CNTNAP2: variants seen among roughly 807,000 people sequenced by gnomAD.
CNTNAP2 encodes contactin associated protein 2.
Under a neutral mutation model 155.2 loss-of-function variants are expected in CNTNAP2, and 98 were observed. The ratio of observed to expected loss-of-function variants is 0.63; its 90% CI spans 0.54 to 0.75. The LOEUF is 0.75. Among genes scored for constraint, CNTNAP2 ranks in the 30% least tolerant of loss-of-function variants. The pLI, the probability that CNTNAP2 is intolerant of heterozygous loss-of-function variation, is 0.00. For synonymous variants in CNTNAP2, 651 were observed against 631.2 expected (o/e 1.03, Z -0.47); for missense variants, 1,727 against 1,688.1 (o/e 1.02, Z -0.40).
rs80138601 is a variant in CNTNAP2 at position 147,384,178 on chromosome 7, A to G, written c.1499-11431A>G. Reference sequence around the variant, plus strand: ...ATGGTGACCAAGGATAGACATCTTAAGTATTCACTCTGAAAACTAGCAAAG... The same window carrying G: ...ATGGTGACCAAGGATAGACATCTTAGGTATTCACTCTGAAAACTAGCAAAG... On this transcript the variant is annotated intron_variant, in intron 9 of 23. Transcript: ENST00000361727. 5.5e-3 allele frequency among the ~76,000 whole-genome samples: 842 copies of G among 152,328 alleles called. 11 individuals are homozygous for G. The highest frequency in any genetic ancestry group is 0.02 in the African/African-American group (813 of 41,570).
intron 1 of CNTNAP2, among the ~76,000 whole-genome samples, chr7:146,453,986 T>G (rs905382520): frequency 1.3e-5 from 2 of 151,928 alleles, no homozygotes; most frequent in Admixed American, 1.3e-4. Flanking sequence ...AATTTCCAAA[T>G]TCGATGAAAA....
intron 4 of CNTNAP2, among the ~76,000 whole-genome samples, chr7:147,095,186 A>ATTTTT (rs36113270): frequency 1.6e-4 from 18 of 114,518 alleles, no homozygotes; most frequent in Non-Finnish European, 2.5e-4. Context: ...CGCCTGGCTA[A>ATTTTT]TTTTTTTTTT....
At chr7:147,065,116 CA>C (rs1799753433) in intron 4 of CNTNAP2, among the ~76,000 whole-genome samples, 1 of 152,136 alleles carries the variant, frequency 6.6e-6, no homozygotes, top group South Asian at 2.1e-4. Flanking sequence ...AAGCCCTGTC[CA>C]AATTCCAGCT....
chr7:147,574,159 A>C (rs1207754584), intron 12 of CNTNAP2, among the ~76,000 whole-genome samples: 3 of 151,884 alleles, frequency 2.0e-5, no homozygotes, highest in African/African-American at 7.3e-5. Context: ...TCTTCTTGAA[A>C]ATTTCCTTTT....
chr7:147,470,257 T>C (rs527422134), intron 10 of CNTNAP2, among the ~76,000 whole-genome samples: 3 of 152,278 alleles, frequency 2.0e-5, no homozygotes, highest in Non-Finnish European at 2.9e-5. Flanking sequence ...CATGCTATGA[T>C]AGTGTCTTGG....
chr7:147,875,991 A>G (rs1799413915), intron 13 of CNTNAP2, among the ~76,000 whole-genome samples: 3 of 152,346 alleles, frequency 2.0e-5, no homozygotes, highest in African/African-American at 4.8e-5. Context: ...CACCATAAAA[A>G]TCATACTGAA....
intron 1 of CNTNAP2, among the ~76,000 whole-genome samples, chr7:146,365,319 C>T (rs1284710463): frequency 6.6e-6 from 1 of 152,096 alleles, no homozygotes; most frequent in Non-Finnish European, 1.5e-5. Flanking sequence ...CAGGATTGAG[C>T]CCCTGTTCCT....
At chr7:146,916,878 T>A (rs1796405584) in intron 3 of CNTNAP2, among the ~76,000 whole-genome samples, 2 of 152,356 alleles carry the variant, frequency 1.3e-5, no homozygotes, top group East Asian at 3.9e-4. Context: ...TGGTTTGTTC[T>A]TGTTTCTCTA....
chr7:148,198,480 C>G (rs1039059275), intron 18 of CNTNAP2, among the ~76,000 whole-genome samples: 5 of 152,156 alleles, frequency 3.3e-5, no homozygotes, highest in East Asian at 1.9e-4. Context: ...AATGGTTAAG[C>G]TATGTAAATG....
chr7:147,335,859 A>G (rs1452773161), intron 9 of CNTNAP2, among the ~76,000 whole-genome samples: 1 of 135,066 alleles, frequency 7.4e-6, no homozygotes, highest in Non-Finnish European at 1.7e-5. Flanking sequence ...TCATTGCTGT[A>G]CAAATGTGAT....
chr7:147,309,345 T>C (rs1005373062), intron 9 of CNTNAP2, among the ~76,000 whole-genome samples: 2 of 152,126 alleles, frequency 1.3e-5, no homozygotes, highest in Non-Finnish European at 2.9e-5. Context: ...TTTATTAAAT[T>C]TTAGAGTGAG....
intron 21 of CNTNAP2, among the ~76,000 whole-genome samples, chr7:148,306,010 G>T (rs1797484815): frequency 6.6e-6 from 1 of 152,134 alleles, no homozygotes. Flanking sequence ...TCCTGAGAAA[G>T]AATGAACGGG....
chr7:146,469,380 T>TAAAA (rs571664470), intron 1 of CNTNAP2, among the ~76,000 whole-genome samples: 8 of 145,594 alleles, frequency 5.5e-5, no homozygotes, highest in African/African-American at 1.8e-4. Context: ...TTGGAAGCAT[T>TAAAA]AAAAAAAAAA....
intron 15 of CNTNAP2, 34 bp from the exon 16 acceptor site, chr7:148,118,084 G>A (rs546200551): frequency 6.2e-7 from 1 of 1,610,622 alleles, no homozygotes; most frequent in Admixed American, 1.7e-5. Context: ...ATCAGGGTGT[G>A]AGTTAACCTG....
chr7:148,307,123 C>G (rs1055691866), intron 21 of CNTNAP2, among the ~76,000 whole-genome samples: 3 of 152,172 alleles, frequency 2.0e-5, no homozygotes, highest in African/African-American at 7.2e-5. Context: ...GTTCAAGATT[C>G]AGTGTGTAAA....
At chr7:146,529,007 T>C (rs1797730652) in intron 1 of CNTNAP2, among the ~76,000 whole-genome samples, 1 of 152,222 alleles carries the variant, frequency 6.6e-6, no homozygotes, top group South Asian at 2.1e-4. Context: ...TGATATTGTG[T>C]ATTTTTGAAA....
chr7:148,413,392 C>CAAA (rs1184055556), intron 23 of CNTNAP2, among the ~76,000 whole-genome samples: 30 of 1,642 alleles, frequency 0.018, 3 homozygotes, highest in South Asian at 0.062. Context: ...AACTCCGTCT[C>CAAA]AAAAAAAAAA....
At chr7:147,763,272 G>A (rs75241748) in intron 13 of CNTNAP2, among the ~76,000 whole-genome samples, 40 of 141,670 alleles carry the variant, frequency 2.8e-4, no homozygotes, top group African/African-American at 3.1e-4. Flanking sequence ...AAAAAAAAAA[G>A]AAAAAAAAAA....
chr7:146,745,840 G>A (rs1009910243), intron 1 of CNTNAP2, among the ~76,000 whole-genome samples: 1 of 151,560 alleles, frequency 6.6e-6, no homozygotes, highest in Non-Finnish European at 1.5e-5. Context: ...CACAAAAGAA[G>A]AGAAACTATG....
Sources: gnomAD v4.1 joint callset for allele counts (sites outside exome capture counted in the v4.1 genomes callset) on GRCh38, gnomAD v4.1.1 for gene constraint, MANE v1.5 for transcripts, NCBI Gene and HGNC (gene_info 2026-07-23, HGNC 2026-07-21) for gene names.